The following PTPRF variants were observed in gnomAD, a reference collection of about 807,000 sequenced individuals.
The protein encoded by PTPRF is receptor-type tyrosine-protein phosphatase F.
In PTPRF, 59 loss-of-function variants were observed where a neutral mutation model predicts 201.8. That is an observed-to-expected ratio of 0.29 (90% CI 0.24 to 0.36). The LOEUF is 0.36. Ranked by LOEUF, PTPRF falls within the 10% of genes least tolerant of loss-of-function variation. The pLI is 1.00. For missense variants in PTPRF, 2,132 were observed against 2,690.5 expected (o/e 0.79, Z 4.59); for synonymous variants, 1,088 against 1,089.7 (o/e 1.00, Z 0.03).
intron 2 of PTPRF, among the ~76,000 whole-genome samples, chr1:43,540,163 C>T (rs1247478950): frequency 6.6e-6 from 1 of 152,176 alleles, no homozygotes; most frequent in Non-Finnish European, 1.5e-5. Context: ...CTGGTTTCTT[C>T]CCCCTAGATG....
intron 3 of PTPRF, among the ~76,000 whole-genome samples, chr1:43,545,689 C>T (rs879465714): frequency 6.6e-6 from 1 of 152,172 alleles, no homozygotes; most frequent in Non-Finnish European, 1.5e-5. Context: ...CCCTCCTTCT[C>T]CTTTCATGGG....
Position 43,606,337 on chromosome 1 carries a change from T to C in PTPRF, c.3581T>C (p.Leu1194Pro), listed in dbSNP as rs150503655. The C allele has an allele frequency of 3.1e-6, 5 of 1,614,058 alleles. No individual in the cohort carries two copies. Among genetic ancestry groups the C allele is most frequent in the African/African-American group, 1.3e-5 (1 of 74,918 alleles). ...TATGTGGCTGCTCAACTGGATGTGCTCCCGGAGACCTTTACCTTGGGGGAC... is the reference window on the plus strand; with the variant it reads ...TATGTGGCTGCTCAACTGGATGTGCCCCCGGAGACCTTTACCTTGGGGGAC... ...KPYVAAQLDV[L>P]PETFTLGDKK... The change falls in exon 20 of 34, where the codon CTC (leucine) becomes CCC (proline). Residue 1194 changes from leucine to proline, a missense_variant. Physicochemically the swap from Leu to Pro is moderately conservative, Grantham distance 98. Around this residue, in one of 6 missense-constraint regions of PTPRF, gnomAD observed 818 missense variants for 915.3 expected, o/e 0.89. Transcript: ENST00000359947.
chr1:43,564,580 G>A (rs563957410), intron 5 of PTPRF, among the ~76,000 whole-genome samples: 1 of 152,240 alleles, frequency 6.6e-6, no homozygotes, highest in African/African-American at 2.4e-5. Context: ...TTTTACACCT[G>A]TCTGTTTCTC....
chr1:43,529,613 G>T (rs1011854834), upstream of PTPRF, among the ~76,000 whole-genome samples: 1 of 151,772 alleles, frequency 6.6e-6, no homozygotes, highest in African/African-American at 2.4e-5. Context: ...CCTTCATGGT[G>T]AAGCCTAGCA....
intron 5 of PTPRF, among the ~76,000 whole-genome samples, chr1:43,568,887 A>G (rs1465395147): frequency 1.3e-5 from 2 of 152,146 alleles, no homozygotes; most frequent in East Asian, 3.9e-4. Context: ...GAGCTTTTTT[A>G]TCTCCTTTGC....
intron 22 of PTPRF, among the ~76,000 whole-genome samples, chr1:43,610,978 A>T (rs1000988045): frequency 1.3e-5 from 2 of 152,260 alleles, no homozygotes; most frequent in African/African-American, 4.8e-5. Flanking sequence ...GATGCAGTAG[A>T]TACCAGATGT....
chr1:43,555,686 C>T lies in PTPRF; in HGVS notation c.379+1745C>T, dbSNP rs189295072. 8.0e-3 allele frequency among the ~76,000 whole-genome samples: 1,223 copies of T among 152,162 alleles called. 25 individuals are homozygous for T. The highest frequency in any genetic ancestry group is 0.029 in the African/African-American group (1,184 of 41,474). On this transcript the variant is annotated intron_variant, in intron 5 of 33. Transcript: ENST00000359947. ...GTCTGGAACTCCTGACCTCGTGATC[C>T]GCCCACCTTGGCCTCCCAAAGTGCT...
At chr1:43,579,553 T>G (rs926354700) in intron 7 of PTPRF, 9 of 297,934 alleles carry the variant, frequency 3.0e-5, no homozygotes, top group African/African-American at 2.0e-4. Context: ...GTGGACAGTG[T>G]GCTTTCTGGA....
intron 21 of PTPRF, 117 bp from the exon 22 acceptor site, chr1:43,609,266 G>A (rs1047686817): frequency 2.7e-6 from 2 of 747,352 alleles, no homozygotes; most frequent in Non-Finnish European, 4.4e-6. Context: ...GGGAAGAGGT[G>A]GGGCAGTAGG....
rs761321345 is a variant in PTPRF at position 43,592,593 on chromosome 1, C to T, written c.1805C>T (p.Ala602Val). The stretch of plus-strand genomic sequence containing the variant: ...ACCCCCACCATTGAGGCCCGCACAG[C>T]CCAGTCCAGTAAGTGTCTCCCAAGT... ...VFTPTIEART[A>V]QSTPSAPPQK... Residue 602 changes from alanine to valine, a missense_variant, in exon 11 of 34, where the codon GCC (alanine) becomes GTC (valine). This residue lies in a region of PTPRF where 351 missense variants were observed against 401.7 expected (regional missense o/e 0.87). Coordinates refer to ENST00000359947, the MANE Select transcript of PTPRF (RefSeq NM_002840.5). 5 of 1,599,224 alleles carry T rather than the reference C, an allele frequency of 3.1e-6. No individual in the cohort carries two copies. Among genetic ancestry groups the T allele is most frequent in the Non-Finnish European group, 4.3e-6 (5 of 1,173,072 alleles).
chr1:43,585,380 C>CCCTGA (rs1648871784), intron 7 of PTPRF, among the ~76,000 whole-genome samples: 1 of 152,122 alleles, frequency 6.6e-6, no homozygotes, highest in African/African-American at 2.4e-5. Context: ...TGTAGACATA[C>CCCTGA]CCTGACCTCC....
At position 43,605,336 on chromosome 1, in the gene PTPRF, C is replaced by A; in HGVS notation, c.3282C>A (p.Arg1094=). 1 of 1,613,858 alleles carries A rather than the reference C, an allele frequency of 6.2e-7. No homozygotes were observed. The highest frequency in any genetic ancestry group is 1.1e-5 in the South Asian group (1 of 91,068). Residue 1094 remains arginine (R), a synonymous_variant, in exon 18 of 34, where the codon CGC becomes CGA. Coordinates refer to ENST00000359947, the MANE Select transcript of PTPRF (RefSeq NM_002840.5). ...GCCTGCAGCACCTGGTGTCCATCCG[C>A]ACAGCCCCCGACCTCCTGCCTCACA... is the stretch of plus-strand genomic sequence containing the variant. ...AGGLQHLVSI[R]TAPDLLPHKP... is the part of the protein sequence containing the mutation.
intron 6 of PTPRF, among the ~76,000 whole-genome samples, chr1:43,573,303 C>T (rs1646697687): frequency 1.3e-5 from 2 of 152,132 alleles, no homozygotes; most frequent in Non-Finnish European, 2.9e-5. Context: ...CTGGACAGGG[C>T]TTGAGGAGAT....
intron 5 of PTPRF, among the ~76,000 whole-genome samples, chr1:43,569,053 G>A (rs1361728409): frequency 6.6e-5 from 10 of 152,210 alleles, no homozygotes; most frequent in Admixed American, 5.9e-4. Context: ...GGGGTGCCCC[G>A]GGTCAGGGCT....
chr1:43,555,120 G>T (rs889950149), intron 5 of PTPRF, among the ~76,000 whole-genome samples: 24 of 151,964 alleles, frequency 1.6e-4, no homozygotes, highest in African/African-American at 5.6e-4. Flanking sequence ...CCAAACTGCT[G>T]GGATTACAGG....
rs1293888921 is a variant in PTPRF, at chr1:43,605,572, A to G, written c.3433A>G (p.Ser1145Gly). The stretch of plus-strand genomic sequence containing the variant: ...GGTGCCCATTGACCGTGTGGGCGGG[A>G]GCATGCTGACGCCAAGGTGGAGCAC... ...VVVPIDRVGGSMLTPRWSTPE... is the reference protein window; with the variant it reads ...VVVPIDRVGGGMLTPRWSTPE... Residue 1145 changes from serine (S) to glycine (G), a missense_variant, in exon 19 of 34, where the codon AGC becomes GGC. Ser to Gly is a moderately conservative substitution (Grantham distance 56). Around this residue, in one of 6 missense-constraint regions of PTPRF, gnomAD observed 818 missense variants for 915.3 expected, o/e 0.89. Coordinates refer to ENST00000359947, the MANE Select transcript of PTPRF (RefSeq NM_002840.5). 2 of 1,613,908 alleles carry G rather than the reference A, an allele frequency of 1.2e-6. No homozygotes were observed. Among genetic ancestry groups the G allele is most frequent in the African/African-American group, 2.7e-5 (2 of 74,878 alleles).
intron 2 of PTPRF, among the ~76,000 whole-genome samples, chr1:43,540,077 C>T (rs1184585693): frequency 6.6e-6 from 1 of 152,138 alleles, no homozygotes; most frequent in African/African-American, 2.4e-5. Context: ...TCAGCCTCAG[C>T]ACCATTGACA....
intron 25 of PTPRF, among the ~76,000 whole-genome samples, chr1:43,618,140 A>G (rs1658321922): frequency 6.6e-6 from 1 of 152,170 alleles, no homozygotes; most frequent in Admixed American, 6.5e-5. Flanking sequence ...GTTTCACCAA[A>G]TGCTGTCATT....
chr1:43,559,926 G>A (rs1176653585), intron 5 of PTPRF, among the ~76,000 whole-genome samples: 1 of 150,526 alleles, frequency 6.6e-6, no homozygotes, highest in Non-Finnish European at 1.5e-5. Flanking sequence ...TGTACAGCAG[G>A]TGGTGTGTAG....
Sources: allele counts gnomAD v4.1 joint callset (sites outside exome capture counted in the v4.1 genomes callset), GRCh38; gene constraint gnomAD v4.1.1; regional missense constraint gnomAD v4.1.1; transcripts MANE v1.5; gene names NCBI Gene and HGNC (gene_info 2026-07-23, HGNC 2026-07-21).